The following EML5 variants were observed in gnomAD, a reference collection of about 807,000 sequenced individuals.
The protein encoded by EML5 is echinoderm microtubule-associated protein-like 5.
A neutral mutation model predicts 250.0 loss-of-function variants in EML5; 120 were observed. The observed-to-expected ratio is 0.48, with a 90% CI of 0.41 to 0.56. The LOEUF is 0.56. EML5 is among the 20% of genes least tolerant of loss of function. The pLI is 0.00. For synonymous variants in EML5, 771 were observed against 806.5 expected (o/e 0.96, Z 0.75); for missense variants, 2,006 against 2,437.6 (o/e 0.82, Z 3.73).
chr14:88,615,456 T>C lies in EML5; in HGVS notation c.*362A>G, dbSNP rs1365497341. 5.1e-6 allele frequency: 1 copy of C among 196,466 alleles called. No individual in the cohort carries two copies. Among genetic ancestry groups the C allele is most frequent in the African/African-American group, 2.3e-5 (1 of 43,264 alleles). 12.2% of individuals were successfully genotyped at this position (196,466 alleles called of 1,614,324 possible). On this transcript the variant is annotated 3_prime_UTR_variant, in exon 44 of 44. Transcript: ENST00000554922. ...TTAAGAAACCATTTTGCTAAAAAGATAATGAAAATTATCCAAATTGGGTTT... is the reference window on the plus strand; with the variant it reads ...TTAAGAAACCATTTTGCTAAAAAGACAATGAAAATTATCCAAATTGGGTTT...
intron 1 of EML5, among the ~76,000 whole-genome samples, chr14:88,786,590 T>G (rs2094553445): frequency 6.6e-6 from 1 of 152,178 alleles, no homozygotes; most frequent in South Asian, 2.1e-4. Flanking sequence ...CATCTCGAAT[T>G]GTACTCCCAT....
intron 10 of EML5, among the ~76,000 whole-genome samples, chr14:88,707,664 T>C (rs989051794): frequency 6.6e-6 from 1 of 152,202 alleles, no homozygotes; most frequent in African/African-American, 2.4e-5. Flanking sequence ...TCATCATTAA[T>C]GCATGAGATA....
At chr14:88,669,798 C>T (rs1439633247) in intron 21 of EML5, among the ~76,000 whole-genome samples, 1 of 152,192 alleles carries the variant, frequency 6.6e-6, no homozygotes, top group Non-Finnish European at 1.5e-5. Context: ...GGTGAGACCA[C>T]CCCAACAGGG....
At position 88,738,909 on chromosome 14, in the gene EML5, C is replaced by A; in HGVS notation, c.817G>T (p.Asp273Tyr). Residue 273 changes from aspartate to tyrosine, a missense_variant, in exon 6 of 44, where the codon GAT (aspartate) becomes TAT (tyrosine). This residue lies in a region of EML5 where 1,375 missense variants were observed against 1,590.3 expected (regional missense o/e 0.86). Transcript: ENST00000554922. ...TATCCCTGGTCTGTTTCCCTGAGAT[C>A]AATCACAGTAATTGGTTTAAAAGTT... ...DLTFKPITVI[D>Y]LRETDQGYKG... 1 of 1,582,958 alleles carries A rather than the reference C, an allele frequency of 6.3e-7. No individual in the cohort carries two copies. Among genetic ancestry groups the A allele is most frequent in the Non-Finnish European group, 8.6e-7 (1 of 1,163,490 alleles).
In EML5 at chr14:88,699,274, TTCTA is replaced by T. The variant is rs777819765; in HGVS notation, c.2239-2326_2239-2323del. Reference sequence around the variant, plus strand: ...AATAGCATTATACGTGTTGGACAAATTCTATCTATCTCAGAAGGCAAAAAAATAG... The same window carrying T: ...AATAGCATTATACGTGTTGGACAAATTCTATCTCAGAAGGCAAAAAAATAG... On this transcript the variant is annotated intron_variant, in intron 14 of 43. Coordinates refer to ENST00000554922, the MANE Select transcript of EML5 (RefSeq NM_183387.3). Among the ~76,000 whole-genome samples, 229 of 152,202 alleles carry T rather than the reference TTCTA, an allele frequency of 1.5e-3. 1 individual carries two copies. The highest frequency in any genetic ancestry group is 1.9e-3 in the Non-Finnish European group (126 of 67,994).
chr14:88,649,437 A>C (rs1157365667), intron 28 of EML5, among the ~76,000 whole-genome samples: 1 of 152,130 alleles, frequency 6.6e-6, no homozygotes, highest in Non-Finnish European at 1.5e-5. Context: ...TTTTCACATC[A>C]CCAAAGGTAG....
At chr14:88,750,792 T>C (rs1336426244) in intron 2 of EML5, among the ~76,000 whole-genome samples, 1 of 152,220 alleles carries the variant, frequency 6.6e-6, no homozygotes, top group African/African-American at 2.4e-5. Flanking sequence ...TTGTACCTCC[T>C]GAGAGTATTT....
chr14:88,685,946 T>C (rs2141220316), intron 19 of EML5, among the ~76,000 whole-genome samples: 1 of 152,318 alleles, frequency 6.6e-6, no homozygotes, highest in South Asian at 2.1e-4. Flanking sequence ...GAGGGCCAAC[T>C]ATATTTATTT....
chr14:88,638,887 C>T lies in EML5; in HGVS notation c.4258G>A (p.Glu1420Lys), dbSNP rs753456082. The T allele has an allele frequency of 4.4e-6, 7 of 1,585,728 alleles. No individual in the cohort carries two copies. Among genetic ancestry groups the T allele is most frequent in the East Asian group, 2.3e-5 (1 of 44,082 alleles). ...AGGCACAGAATATCATCATTATGTT[C>T]CTGATAAAAACTCTGAGAACCTACA... ...VATGSQSFYQ[E>K]HNDDILCLTV... Residue 1420 changes from glutamate to lysine, a missense_variant, in exon 32 of 44, where the codon GAA becomes AAA. This residue lies in a region of EML5 where 1,375 missense variants were observed against 1,590.3 expected (regional missense o/e 0.86). Coordinates refer to ENST00000554922, the MANE Select transcript of EML5 (RefSeq NM_183387.3).
chr14:88,705,658 A>T (rs937966259), intron 11 of EML5, 70 bp from the exon 12 acceptor site: 8 of 1,108,704 alleles, frequency 7.2e-6, no homozygotes, highest in African/African-American at 1.6e-5. Context: ...CTGAAAAATT[A>T]ATGATTAAGA....
chr14:88,618,812 T>G lies in EML5; in HGVS notation c.5376A>C (p.Arg1792Ser). The change falls in exon 40 of 44, where the codon AGA (arginine) becomes AGC (serine). Residue 1792 changes from arginine (R) to serine (S), a missense_variant and splice_region_variant. Around this residue, in one of 7 missense-constraint regions of EML5, gnomAD observed 405 missense variants for 523.3 expected, o/e 0.77. Coordinates refer to ENST00000554922, the MANE Select transcript of EML5 (RefSeq NM_183387.3). Reference sequence around the variant, plus strand: ...CCAGATACCGGGAATCCGGACTAAATCTGAATCAAAACAAAACGTAAAAAG... The same window carrying G: ...CCAGATACCGGGAATCCGGACTAAAGCTGAATCAAAACAAAACGTAAAAAG... Reference protein sequence around the residue: ...RDRRCAIHDIRFSPDSRYLAV... With the variant: ...RDRRCAIHDISFSPDSRYLAV... 1 of 1,574,516 alleles carries G rather than the reference T, an allele frequency of 6.4e-7. No individual in the cohort carries two copies. The highest frequency in any genetic ancestry group is 8.6e-7 in the Non-Finnish European group (1 of 1,159,186).
intron 12 of EML5, 69 bp from the exon 13 acceptor site, chr14:88,705,047 A>G (rs2093290667): frequency 2.0e-6 from 2 of 1,018,034 alleles, no homozygotes; most frequent in Non-Finnish European, 2.8e-6. Flanking sequence ...TATACTCCCA[A>G]TATAACTTTC....
chr14:88,635,707 T>C (rs912884810), intron 32 of EML5, among the ~76,000 whole-genome samples: 5 of 152,062 alleles, frequency 3.3e-5, no homozygotes, highest in Admixed American at 6.6e-5. Context: ...CAAAGAACCA[T>C]GGAAGCTCAT....
intron 1 of EML5, among the ~76,000 whole-genome samples, chr14:88,785,077 G>C (rs2094537542): frequency 6.6e-6 from 1 of 152,156 alleles, no homozygotes; most frequent in African/African-American, 2.4e-5. Flanking sequence ...AGTGAAATAA[G>C]CCAGGCAAAG....
chr14:88,618,170 G>C (rs2088065352), intron 41 of EML5, 58 bp downstream of exon 41: 1 of 1,445,288 alleles, frequency 6.9e-7, no homozygotes, highest in Non-Finnish European at 9.7e-7. Flanking sequence ...TTCAGAAATA[G>C]GATTTTCTAA....
intron 35 of EML5, chr14:88,626,446 C>A: frequency 5.4e-6 from 1 of 185,276 alleles, no homozygotes; most frequent in South Asian, 1.1e-4. Flanking sequence ...ATAGCGAAAC[C>A]CTGTCTCTAC....
intron 2 of EML5, among the ~76,000 whole-genome samples, chr14:88,750,161 G>A (rs1471455788): frequency 2.0e-5 from 3 of 152,112 alleles, no homozygotes; most frequent in Non-Finnish European, 4.4e-5. Context: ...TGGTGGTTTG[G>A]AGCACAGATT....
At chr14:88,666,475 C>T (rs190363800) in intron 21 of EML5, among the ~76,000 whole-genome samples, 18 of 152,224 alleles carry the variant, frequency 1.2e-4, no homozygotes, top group African/African-American at 4.1e-4. Flanking sequence ...AACCACCTGC[C>T]TCAGACTCTC....
chr14:88,787,631 T>G (rs886067168), intron 1 of EML5, among the ~76,000 whole-genome samples: 2 of 152,202 alleles, frequency 1.3e-5, no homozygotes, highest in African/African-American at 4.8e-5. Context: ...TCTCTTAATT[T>G]TATCCCTTAA....
Sources: gnomAD v4.1 joint callset for allele counts (sites outside exome capture counted in the v4.1 genomes callset) on GRCh38, gnomAD v4.1.1 for gene constraint, gnomAD v4.1.1 regional missense constraint, MANE v1.5 for transcripts, NCBI Gene and HGNC (gene_info 2026-07-23, HGNC 2026-07-21) for gene names.